GPCPD1: variants seen among roughly 807,000 people sequenced by gnomAD.
The protein encoded by GPCPD1 is glycerophosphocholine phosphodiesterase GPCPD1.
In GPCPD1, 29 loss-of-function variants were observed where a neutral mutation model predicts 89.2. The ratio of observed to expected loss-of-function variants is 0.33; its 90% CI spans 0.24 to 0.44. The LOEUF (loss-of-function observed/expected upper bound fraction) is 0.44. Among genes scored for constraint, GPCPD1 ranks in the 20% least tolerant of loss-of-function variants. The pLI is 1.00. For synonymous variants in GPCPD1, 258 were observed against 266.3 expected (o/e 0.97, Z 0.30); for missense variants, 594 against 808.9 (o/e 0.73, Z 3.22).
intron 13 of GPCPD1, among the ~76,000 whole-genome samples, chr20:5,567,099 T>G (rs1986429418): frequency 6.6e-6 from 1 of 152,136 alleles, no homozygotes; most frequent in Non-Finnish European, 1.5e-5. Flanking sequence ...TTCAAAGGTA[T>G]TGGAAATTAA....
At chr20:5,567,824 G>C (rs1986479780) in intron 12 of GPCPD1, 1 of 303,698 alleles carries the variant, frequency 3.3e-6, no homozygotes, top group Non-Finnish European at 6.1e-6. Flanking sequence ...CTGGCAGAAA[G>C]CTGTAGCGCT....
intron 19 of GPCPD1, among the ~76,000 whole-genome samples, chr20:5,556,225 T>C (rs1985759952): frequency 6.6e-6 from 1 of 152,200 alleles, no homozygotes; most frequent in African/African-American, 2.4e-5. Context: ...AACTTTTTTT[T>C]TAGACAGAGT....
Position 5,593,308 on chromosome 20 carries a change from C to T in GPCPD1, c.231+19G>A. ...AAGGAAGTGCTAAAGGAATTGGAAA[C>T]TAGATAAAGAAAACATACCTTTGGT... On this transcript the variant is annotated intron_variant, in intron 4 of 19. Transcript: ENST00000379019. 1 of 1,262,200 alleles carries T rather than the reference C, an allele frequency of 7.9e-7. No homozygotes were observed. Among genetic ancestry groups the T allele is most frequent in the South Asian group, 1.2e-5 (1 of 82,324 alleles). The allele number at this position is 1,262,200 out of a possible 1,614,324, so 78.2% of individuals were successfully genotyped here.
At chr20:5,564,865 G>GT in intron 15 of GPCPD1, 152 bp downstream of exon 15, 3 of 644,254 alleles carry the variant, frequency 4.7e-6, no homozygotes, top group South Asian at 1.8e-5. Context: ...AACACACAAA[G>GT]TATCTTCTCT....
chr20:5,588,825 A>ACAAAAG (rs1275850814), intron 4 of GPCPD1, among the ~76,000 whole-genome samples: 2 of 151,992 alleles, frequency 1.3e-5, no homozygotes, highest in Non-Finnish European at 2.9e-5. Context: ...ACTATGTCTC[A>ACAAAAG]AAAAAGAAAA....
chr20:5,580,068 T>C lies in GPCPD1; in HGVS notation c.413A>G (p.His138Arg), dbSNP rs768203160. The change falls in exon 7 of 20, where the codon CAT (histidine) becomes CGT (arginine). Residue 138 changes from histidine (H) to arginine (R), a missense_variant. Coordinates refer to ENST00000379019, the MANE Select transcript of GPCPD1 (RefSeq NM_019593.5). ...TGACACAGGAGGTTTTTCAGAATAA[T>C]GCAAACGTAATCTTATTTCAGTCTG... ...TCQTEIRLRL[H>R]YSEKPPVSIT... The C allele has an allele frequency of 6.7e-7, 1 of 1,502,186 alleles. No homozygotes were observed. Among genetic ancestry groups the C allele is most frequent in the Non-Finnish European group, 9.3e-7 (1 of 1,078,460 alleles). 93.1% of individuals were successfully genotyped at this position (1,502,186 alleles called of 1,614,324 possible).
intron 4 of GPCPD1, among the ~76,000 whole-genome samples, chr20:5,587,227 T>G (rs1978986700): frequency 6.6e-6 from 1 of 152,204 alleles, no homozygotes; most frequent in Non-Finnish European, 1.5e-5. Flanking sequence ...TTACAAGGTA[T>G]TTTATTTGTT....
At chr20:5,570,815 T>C (rs1241550360) in intron 11 of GPCPD1, among the ~76,000 whole-genome samples, 1 of 152,116 alleles carries the variant, frequency 6.6e-6, no homozygotes, top group African/African-American at 2.4e-5. Flanking sequence ...TCCGGTTTCC[T>C]AATGAAAGCC....
chr20:5,570,212 G>T lies in GPCPD1; in HGVS notation c.1084C>A (p.His362Asn). 1.3e-6 allele frequency: 2 copies of T among 1,590,804 alleles called. No homozygotes were observed. The highest frequency in any genetic ancestry group is 1.7e-6 in the Non-Finnish European group (2 of 1,159,550). The change falls in exon 12 of 20, where the codon CAC becomes AAC. Residue 362 changes from histidine (H) to asparagine (N), a missense_variant. His to Asn is a moderately conservative substitution (Grantham distance 68). Transcript: ENST00000379019. ...HGAAFVEFDV[H>N]LSKDFVPVVY... ...ACGGGCACAAAGTCCTTTGAAAGGT[G>T]TACGTCAAATTCTACAAAGGCTGCA...
At chr20:5,566,900 T>C (rs2122613635) in intron 13 of GPCPD1, 128 bp from the exon 14 acceptor site, 2 of 662,136 alleles carry the variant, frequency 3.0e-6, no homozygotes, top group South Asian at 1.8e-5. Flanking sequence ...ATCAGTTTAA[T>C]AAGAATAAGC....
At chr20:5,590,268 C>T (rs1035846914) in intron 4 of GPCPD1, among the ~76,000 whole-genome samples, 5 of 152,000 alleles carry the variant, frequency 3.3e-5, no homozygotes, top group South Asian at 2.1e-4. Flanking sequence ...AGGCCACGTG[C>T]GGTGGCTCCT....
At chr20:5,574,256 T>G (rs574786360) in intron 10 of GPCPD1, 1 of 359,804 alleles carries the variant, frequency 2.8e-6, no homozygotes, top group African/African-American at 2.1e-5. Flanking sequence ...AAGTGATCAA[T>G]AAAAACAATC....
chr20:5,604,403 A>G lies in GPCPD1; in HGVS notation c.10T>C (p.Ser4Pro), dbSNP rs750536884. 6.4e-7 allele frequency: 1 copy of G among 1,567,306 alleles called. No individual in the cohort carries two copies. Among genetic ancestry groups the G allele is most frequent in the East Asian group, 2.2e-5 (1 of 44,572 alleles). Residue 4 changes from serine (S) to proline (P), a missense_variant, in exon 2 of 20, where the codon TCT becomes CCT. Physicochemically the swap from Ser to Pro is moderately conservative, Grantham distance 74. Transcript: ENST00000379019. MTP[S>P]QVAFEIRGTL... is the part of the protein sequence containing the mutation. ...CCTCTTATTTCAAAGGCAACCTGAG[A>G]AGGTGTCATTCTGATGGATTTATTT...
Position 5,590,094 on chromosome 20 carries a change from T to C in GPCPD1, c.231+3233A>G, listed in dbSNP as rs192480467. ...GAAATTTAAATAAGACTATCCAATATGTAGATTGGAAGTTTGTTTTTTAAC... is the reference window on the plus strand; with the variant it reads ...GAAATTTAAATAAGACTATCCAATACGTAGATTGGAAGTTTGTTTTTTAAC... On this transcript the variant is annotated intron_variant, in intron 4 of 19. Transcript: ENST00000379019. 1.6e-3 allele frequency among the ~76,000 whole-genome samples: 241 copies of C among 152,174 alleles called. 1 individual carries two copies. The highest frequency in any genetic ancestry group is 5.3e-3 in the African/African-American group (218 of 41,388).
At chr20:5,568,467 A>C (rs1986527162) in intron 12 of GPCPD1, among the ~76,000 whole-genome samples, 1 of 152,104 alleles carries the variant, frequency 6.6e-6, no homozygotes, top group South Asian at 2.1e-4. Flanking sequence ...TAAGAAAAAC[A>C]CCAGCTTAAA....
At chr20:5,609,186 AAAAGCTGTTTCC>A (rs1980790712) in intron 1 of GPCPD1, among the ~76,000 whole-genome samples, 1 of 152,204 alleles carries the variant, frequency 6.6e-6, no homozygotes, top group South Asian at 2.1e-4. Flanking sequence ...TTTCAAGGAA[AAAAGCTGTTTCC>A]AATTCTTCTT....
At chr20:5,576,236 T>C (rs111311354) in intron 8 of GPCPD1, among the ~76,000 whole-genome samples, 2,948 of 152,030 alleles carry the variant, frequency 0.019, 39 homozygotes, top group Non-Finnish European at 0.03. Context: ...CTGGCTAACA[T>C]AGTGAAACCC....
At chr20:5,564,554 G>A (rs993754150) in intron 15 of GPCPD1, among the ~76,000 whole-genome samples, 4 of 152,210 alleles carry the variant, frequency 2.6e-5, no homozygotes, top group African/African-American at 9.6e-5. Context: ...TTGGCTGGGT[G>A]TGTTGGCTCA....
At chr20:5,561,425 C>A in intron 16 of GPCPD1, 40 bp downstream of exon 16, 1 of 1,091,682 alleles carries the variant, frequency 9.2e-7, no homozygotes, top group South Asian at 1.3e-5. Context: ...TTTAGATAGG[C>A]ATAGAGAGTA....
Sources: allele counts gnomAD v4.1 joint callset (sites outside exome capture counted in the v4.1 genomes callset), GRCh38; gene constraint gnomAD v4.1.1; transcripts MANE v1.5; gene names NCBI Gene and HGNC (gene_info 2026-07-23, HGNC 2026-07-21).